The following SPECC1L variants were observed in gnomAD, a reference collection of about 807,000 sequenced individuals.
SPECC1L encodes the protein sperm antigen with calponin homology and coiled-coil domains 1 like.
Under a neutral mutation model 116.8 loss-of-function variants are expected in SPECC1L, and 40 were observed. The ratio of observed to expected loss-of-function variants is 0.34; its 90% confidence interval spans 0.27 to 0.45. SPECC1L has a LOEUF of 0.45. Ranked by LOEUF, SPECC1L falls within the 20% of genes least tolerant of loss-of-function variation. The pLI is 1.00. For missense variants in SPECC1L, 1,110 were observed against 1,373.6 expected (o/e 0.81, Z 3.03); for synonymous variants, 504 against 500.6 (o/e 1.01, Z -0.09).
intron 11 of SPECC1L, among the ~76,000 whole-genome samples, chr22:24,347,801 G>A (rs924142203): frequency 6.6e-6 from 1 of 151,974 alleles, no homozygotes; most frequent in African/African-American, 2.4e-5. Context: ...TCAGCCTCCC[G>A]AATAGCTGGG....
chr22:24,330,097 TTAGAAA>T (rs1324512541), intron 7 of SPECC1L, among the ~76,000 whole-genome samples, 153 bp from the exon 8 acceptor site: 2 of 152,242 alleles, frequency 1.3e-5, no homozygotes, highest in Non-Finnish European at 2.9e-5. Flanking sequence ...GCATTGCCTG[TTAGAAA>T]TAGATACTAG....
intron 14 of SPECC1L, among the ~76,000 whole-genome samples, chr22:24,403,970 C>G (rs1194892242): frequency 2.0e-5 from 3 of 152,150 alleles, no homozygotes; most frequent in South Asian, 4.1e-4. Flanking sequence ...AGCACACAAA[C>G]CTGATTTGTG....
At chr22:24,364,787 A>T (rs2041719543) in intron 12 of SPECC1L, among the ~76,000 whole-genome samples, 1 of 151,952 alleles carries the variant, frequency 6.6e-6, no homozygotes, top group Admixed American at 6.6e-5. Context: ...ATTGATTTGA[A>T]TTGTGTGTGT....
At chr22:24,369,161 T>C in intron 13 of SPECC1L, 57 bp from the exon 14 acceptor site, 1 of 1,243,314 alleles carries the variant, frequency 8.0e-7, no homozygotes, top group Non-Finnish European at 1.2e-6. Context: ...TTAATACTTT[T>C]CTCTTATTCT....
intron 14 of SPECC1L, among the ~76,000 whole-genome samples, chr22:24,401,241 CT>C (rs1569448759): frequency 6.6e-6 from 1 of 152,130 alleles, no homozygotes; most frequent in Admixed American, 6.6e-5. Context: ...CTTTCAGTTT[CT>C]TTTTGAAGGA....
intron 14 of SPECC1L, among the ~76,000 whole-genome samples, chr22:24,396,028 G>C (rs2146756360): frequency 6.6e-6 from 1 of 152,344 alleles, no homozygotes; most frequent in South Asian, 2.1e-4. Flanking sequence ...AGTAAGGCAA[G>C]ATTCTGCTCT....
At chr22:24,339,693 A>T (rs2041131904) in intron 10 of SPECC1L, among the ~76,000 whole-genome samples, 1 of 152,144 alleles carries the variant, frequency 6.6e-6, no homozygotes, top group Admixed American at 6.5e-5. Context: ...TCGAGTTGAG[A>T]CATTTGTGCT....
intron 8 of SPECC1L, 45 bp from the exon 9 acceptor site, chr22:24,334,365 T>C (rs377315025): frequency 3.5e-5 from 56 of 1,602,132 alleles, no homozygotes; most frequent in Admixed American, 1.7e-4. Flanking sequence ...ATGTGTATGT[T>C]CTAGTACCTA....
intron 4 of SPECC1L, among the ~76,000 whole-genome samples, chr22:24,319,876 G>C (rs1179806521): frequency 6.6e-6 from 1 of 152,196 alleles, no homozygotes; most frequent in African/African-American, 2.4e-5. Context: ...TTATTGATTA[G>C]ATGTGGATCT....
At chr22:24,295,984 T>C (rs985983751) in intron 2 of SPECC1L, among the ~76,000 whole-genome samples, 2 of 152,162 alleles carry the variant, frequency 1.3e-5, no homozygotes, top group Non-Finnish European at 2.9e-5. Context: ...ATGACAACAT[T>C]GGACAAGTAG....
intron 12 of SPECC1L, among the ~76,000 whole-genome samples, chr22:24,364,152 G>A (rs1043836597): frequency 6.6e-6 from 1 of 152,130 alleles, no homozygotes; most frequent in African/African-American, 2.4e-5. Flanking sequence ...AATACTCAGT[G>A]CTGCCTTTAG....
At chr22:24,353,610 A>G (rs2041469301) in intron 11 of SPECC1L, among the ~76,000 whole-genome samples, 1 of 151,804 alleles carries the variant, frequency 6.6e-6, no homozygotes, top group African/African-American at 2.4e-5. Context: ...GTTTCACCAT[A>G]TTGGCCAGGC....
chr22:24,401,208 T>A (rs1282103995), intron 14 of SPECC1L, among the ~76,000 whole-genome samples: 1 of 152,218 alleles, frequency 6.6e-6, no homozygotes, highest in African/African-American at 2.4e-5. Context: ...TTTAGGTCTC[T>A]TTCAGTTCAT....
intron 8 of SPECC1L, among the ~76,000 whole-genome samples, chr22:24,333,153 G>A (rs925634772): frequency 6.6e-6 from 1 of 152,154 alleles, no homozygotes; most frequent in African/African-American, 2.4e-5. Context: ...ACTTGAACCT[G>A]GGAGGTGGAG....
At chr22:24,347,381 C>G (rs1159826658) in intron 11 of SPECC1L, among the ~76,000 whole-genome samples, 1 of 152,156 alleles carries the variant, frequency 6.6e-6, no homozygotes, top group Non-Finnish European at 1.5e-5. Context: ...TGACAGCTGT[C>G]ATAATGGGTA....
At chr22:24,379,541 A>G (rs1160015332) in intron 14 of SPECC1L, among the ~76,000 whole-genome samples, 1 of 152,194 alleles carries the variant, frequency 6.6e-6, no homozygotes, top group Non-Finnish European at 1.5e-5. Context: ...ATATATACAT[A>G]CAAATAAACT....
In SPECC1L at chr22:24,280,362, G is replaced by A. The variant is rs543610837; in HGVS notation, c.-38+3559G>A. ...GCTTGAACAAAGAAGAGGTAGTAAT[G>A]AACATTCCTGGGGTGAGGCAATTAG... On this transcript the variant is annotated intron_variant, in intron 2 of 16. Transcript: ENST00000314328. 4.0e-3 allele frequency among the ~76,000 whole-genome samples: 606 copies of A among 151,656 alleles called. 3 individuals carry two copies. The highest frequency in any genetic ancestry group is 5.4e-3 in the Non-Finnish European group (366 of 67,918).
At position 24,313,315 on chromosome 22, in the gene SPECC1L, C is replaced by G. The variant is rs2040496967; in HGVS notation, c.156C>G (p.Thr52=). 2.5e-6 allele frequency: 4 copies of G among 1,613,764 alleles called. No individual in the cohort carries two copies. The highest frequency in any genetic ancestry group is 2.2e-5 in the South Asian group (2 of 91,054). ...TTTTTATTTTCTGTTGCTTCTAGAC[C>G]AAGAGCAGTGATGACCTTTTAGCTG... ...KPGTAASLSK[T]KSSDDLLAGM... Residue 52 remains threonine, a splice_region_variant and synonymous_variant, in exon 4 of 17, where the codon ACC becomes ACG. Transcript: ENST00000314328.
intron 14 of SPECC1L, among the ~76,000 whole-genome samples, chr22:24,372,719 C>T (rs951724304): frequency 1.3e-5 from 2 of 151,046 alleles, no homozygotes; most frequent in African/African-American, 4.8e-5. Flanking sequence ...TGGCACAAGA[C>T]AGGGATGCCC....
Sources: gnomAD v4.1 joint callset for allele counts (sites outside exome capture counted in the v4.1 genomes callset) on GRCh38, gnomAD v4.1.1 for gene constraint, MANE v1.5 for transcripts, NCBI Gene and HGNC (gene_info 2026-07-23, HGNC 2026-07-21) for gene names.